NAE1: variants seen among roughly 807,000 people sequenced by gnomAD.
The protein encoded by NAE1 is NEDD8-activating enzyme E1 regulatory subunit.
Under a neutral mutation model 88.0 loss-of-function variants are expected in NAE1, and 59 were observed. The observed-to-expected ratio is 0.67, with a 90% CI of 0.54 to 0.83. The LOEUF is 0.83. Ranked by LOEUF, NAE1 falls within the 40% of genes least tolerant of loss-of-function variation. The probability of loss-of-function intolerance (pLI) is 0.00; values close to 1 mark genes in which losing one functional copy is unlikely to be tolerated. For missense variants in NAE1, 554 were observed against 632.8 expected (o/e 0.88, Z 1.34); for synonymous variants, 186 against 208.9 (o/e 0.89, Z 0.95).
At chr16:66,803,593 ATT>A (rs56967750) in intron 19 of NAE1, among the ~76,000 whole-genome samples, 40 of 144,546 alleles carry the variant, frequency 2.8e-4, no homozygotes, top group African/African-American at 9.1e-4. Flanking sequence ...ACTGGATAGA[ATT>A]TTTTTTTTTT....
At position 66,804,595 on chromosome 16, in the gene NAE1, T is replaced by C. The variant is rs143429883; in HGVS notation, c.1495+1182A>G. Among the ~76,000 whole-genome samples, 116 of 152,352 alleles carry C rather than the reference T, an allele frequency of 7.6e-4. No homozygotes were observed. The East Asian group carries it at 0.019, about 25-fold the overall frequency. On this transcript the variant is annotated intron_variant, in intron 19 of 19. Transcript: ENST00000290810. Reference sequence around the variant, plus strand: ...CTAGAAGGAAAATGCCACAAGCTAATAGCTCAGTCTACAGGAGATCACAGG... The same window carrying C: ...CTAGAAGGAAAATGCCACAAGCTAACAGCTCAGTCTACAGGAGATCACAGG...
intron 17 of NAE1, among the ~76,000 whole-genome samples, chr16:66,807,485 C>G (rs907444164): frequency 6.6e-6 from 1 of 151,850 alleles, no homozygotes; most frequent in Non-Finnish European, 1.5e-5. Context: ...ACTAAAAATA[C>G]AAAAATTAGC....
intron 8 of NAE1, 90 bp from the exon 9 acceptor site, chr16:66,817,577 G>C (rs1481192934): frequency 2.3e-6 from 2 of 884,836 alleles, no homozygotes; most frequent in South Asian, 3.7e-5. Context: ...CAATATTTAT[G>C]ATCTCCTAAT....
Position 66,818,546 on chromosome 16 carries a change from C to T in NAE1, c.603G>A (p.Leu201=), listed in dbSNP as rs1414962188. Residue 201 remains leucine, a synonymous_variant, in exon 8 of 20, where the codon TTG becomes TTA. Coordinates refer to ENST00000290810, the MANE Select transcript of NAE1 (RefSeq NM_003905.4). ...ELREHFQSYD[L]DHMEKKDHSH... ...TACCAACCTTTTTTTCCATATGATC[C>T]AAATCATAGGACTGAAAATGTTCTC... is the stretch of plus-strand genomic sequence containing the variant. 1 of 1,610,200 alleles carries T rather than the reference C, an allele frequency of 6.2e-7. No homozygotes were observed. The highest frequency in any genetic ancestry group is 1.1e-5 in the South Asian group (1 of 90,240).
intron 4 of NAE1, among the ~76,000 whole-genome samples, chr16:66,823,987 T>C (rs1960365607): frequency 6.6e-6 from 1 of 152,208 alleles, no homozygotes; most frequent in South Asian, 2.1e-4. Flanking sequence ...TCCTCCTGCC[T>C]TGACCTCCCA....
intron 19 of NAE1, among the ~76,000 whole-genome samples, chr16:66,803,961 AAAGAC>A (rs1267856458): frequency 6.6e-6 from 1 of 152,158 alleles, no homozygotes; most frequent in Non-Finnish European, 1.5e-5. Context: ...AGTAAGGAAA[AAAGAC>A]AAGAAGATCC....
intron 7 of NAE1, among the ~76,000 whole-genome samples, chr16:66,818,939 C>G (rs1010189835): frequency 6.6e-6 from 1 of 152,202 alleles, no homozygotes; most frequent in Non-Finnish European, 1.5e-5. Context: ...CCTTGCATTA[C>G]AGGTGTGAGC....
chr16:66,821,118 G>T (rs1960240312), intron 7 of NAE1, among the ~76,000 whole-genome samples: 1 of 152,098 alleles, frequency 6.6e-6, no homozygotes, highest in Admixed American at 6.5e-5. Flanking sequence ...TAACTTCATG[G>T]GTCAGAGTGA....
Position 66,813,573 on chromosome 16 carries a change from A to C in NAE1, c.1025T>G (p.Leu342Arg), listed in dbSNP as rs1370860115. ...MIADSGKYIK[L>R]QNVYREKAKK... ...GAAAACAGTGACATACACGTTTTGC[A>C]GTTTTATATATTTGCCTGAATCTGC... The change falls in exon 13 of 20, where the codon CTG becomes CGG. Residue 342 changes from leucine to arginine, a missense_variant. Physicochemically the swap from Leu to Arg is moderately radical, Grantham distance 102 (BLOSUM62 -2). Transcript: ENST00000290810. 6.2e-7 allele frequency: 1 copy of C among 1,610,300 alleles called. No homozygotes were observed. Among genetic ancestry groups the C allele is most frequent in the Non-Finnish European group, 8.5e-7 (1 of 1,178,344 alleles).
chr16:66,806,673 A>G (rs887851102), intron 17 of NAE1, among the ~76,000 whole-genome samples: 4 of 152,134 alleles, frequency 2.6e-5, no homozygotes, highest in East Asian at 3.9e-4. Flanking sequence ...TTGGCCTCCC[A>G]AAGTGCTGGG....
intron 19 of NAE1, among the ~76,000 whole-genome samples, chr16:66,804,863 G>A (rs1229604301): frequency 6.6e-6 from 1 of 151,852 alleles, no homozygotes; most frequent in African/African-American, 2.4e-5. Flanking sequence ...CTATGAACCA[G>A]GAAATGGGCG....
chr16:66,825,634 G>C (rs1324591506), intron 3 of NAE1, among the ~76,000 whole-genome samples: 1 of 151,812 alleles, frequency 6.6e-6, no homozygotes, highest in Non-Finnish European at 1.5e-5. Context: ...TCGTTCCCTA[G>C]AACCGGTGTT....
chr16:66,816,122 C>A (rs1960035977), intron 11 of NAE1, among the ~76,000 whole-genome samples: 1 of 152,132 alleles, frequency 6.6e-6, no homozygotes, highest in Admixed American at 6.5e-5. Context: ...TATTCCAAAG[C>A]TCCCCAAAAA....
At chr16:66,812,513 C>CA (rs1959845061) in intron 13 of NAE1, among the ~76,000 whole-genome samples, 1 of 103,678 alleles carries the variant, frequency 9.6e-6, no homozygotes, top group Non-Finnish European at 1.9e-5. Context: ...CCCCTAAGTT[C>CA]TTTTTTTTTT....
chr16:66,805,475 C>CA (rs1171869005), intron 19 of NAE1, among the ~76,000 whole-genome samples: 2 of 148,536 alleles, frequency 1.3e-5, no homozygotes, highest in African/African-American at 5.0e-5. Flanking sequence ...CCTGTCTCTA[C>CA]AAAAAATTGA....
At position 66,813,700 on chromosome 16, in the gene NAE1, A is replaced by G. The variant is rs557784298; in HGVS notation, c.901-3T>C. ...GCTAAAATCCAAAATGATGGAGTCT[A>G]AAAGAATAAGAAAAAATTAACATTA... is the stretch of plus-strand genomic sequence containing the variant. On this transcript the variant is annotated splice_region_variant and splice_polypyrimidine_tract_variant and intron_variant, in intron 12 of 19. Transcript: ENST00000290810. 1.9e-6 allele frequency: 3 copies of G among 1,612,142 alleles called. No homozygotes were observed. The highest frequency in any genetic ancestry group is 2.2e-5 in the East Asian group (1 of 44,818).
At chr16:66,815,661 A>AC (rs1378109482) in intron 11 of NAE1, among the ~76,000 whole-genome samples, 2 of 138,570 alleles carry the variant, frequency 1.4e-5, no homozygotes, top group Non-Finnish European at 3.1e-5. Flanking sequence ...GCCAGCAAAC[A>AC]CTTTTTTTTT....
intron 7 of NAE1, among the ~76,000 whole-genome samples, chr16:66,819,767 T>C (rs1330122381): frequency 6.6e-6 from 1 of 152,254 alleles, no homozygotes; most frequent in East Asian, 1.9e-4. Context: ...ATACTCAATC[T>C]GTACCTTATA....
intron 7 of NAE1, among the ~76,000 whole-genome samples, chr16:66,819,063 G>GT (rs1960157563): frequency 6.6e-6 from 1 of 152,172 alleles, no homozygotes; most frequent in South Asian, 2.1e-4. Flanking sequence ...GGGCCCACAG[G>GT]TTTTTTCACT....
Sources: allele counts gnomAD v4.1 joint callset (sites outside exome capture counted in the v4.1 genomes callset), GRCh38; gene constraint gnomAD v4.1.1; transcripts MANE v1.5; gene names NCBI Gene and HGNC (gene_info 2026-07-23, HGNC 2026-07-21).